FGF9: variants seen among roughly 807,000 people sequenced by gnomAD.
FGF9 encodes fibroblast growth factor 9 (glia-activating factor).
Under a neutral mutation model 19.9 loss-of-function variants are expected in FGF9, and 3 were observed. The observed-to-expected ratio is 0.15, with a 90% CI of 0.07 to 0.39. The LOEUF is 0.39. Among genes scored for constraint, FGF9 ranks in the 10% least tolerant of loss-of-function variants. FGF9 has a pLI of 1.00. For missense variants in FGF9, 175 were observed against 256.8 expected (o/e 0.68, Z 2.18); for synonymous variants, 107 against 106.9 (o/e 1.00, Z -0.01).
chr13:21,692,733 T>C (rs1033059444), intron 2 of FGF9, among the ~76,000 whole-genome samples: 3 of 152,232 alleles, frequency 2.0e-5, no homozygotes, highest in African/African-American at 7.2e-5. Flanking sequence ...AGAGACGCAC[T>C]GACACTGTGT....
rs892988179 is a variant in FGF9, at chr13:21,678,620, C to T, written c.278-2422C>T. 2.6e-5 allele frequency among the ~76,000 whole-genome samples: 4 copies of T among 152,150 alleles called. No individual in the cohort carries two copies. In the South Asian group the frequency reaches 8.3e-4, roughly 32 times the overall value. ...TTTGTGAAATCACATGCACCTTATT[C>T]TTTGTTGGACCTGATGGGCAACACT... On this transcript the variant is annotated intron_variant, in intron 1 of 2. Coordinates refer to ENST00000382353, the MANE Select transcript of FGF9 (RefSeq NM_002010.3).
At position 21,701,322 on chromosome 13, in the gene FGF9, C is replaced by T. The variant is rs776618974; in HGVS notation, c.514C>T (p.Pro172Ser). Residue 172 changes from proline (P) to serine (S), a missense_variant, in exon 3 of 3, where the codon CCG becomes TCG. Transcript: ENST00000382353. ...TGTTGCATTAAATAAAGATGGGACC[C>T]CGAGAGAAGGGACTAGGACTAAACG... ...YYVALNKDGT[P>S]REGTRTKRHQ... The T allele has an allele frequency of 4.3e-6, 7 of 1,613,780 alleles. No individual in the cohort carries two copies. The highest frequency in any genetic ancestry group is 5.9e-6 in the Non-Finnish European group (7 of 1,179,974).
chr13:21,686,374 C>T (rs912255218), intron 2 of FGF9, among the ~76,000 whole-genome samples: 1 of 152,174 alleles, frequency 6.6e-6, no homozygotes, highest in African/African-American at 2.4e-5. Flanking sequence ...ATAATAAATG[C>T]CTCCTTAAAA....
At chr13:21,677,845 G>A (rs1390938484) in intron 1 of FGF9, among the ~76,000 whole-genome samples, 2 of 152,180 alleles carry the variant, frequency 1.3e-5, no homozygotes, top group Admixed American at 6.5e-5. Flanking sequence ...GGGGTCTGTA[G>A]GTAGTTCCTT....
chr13:21,683,350 A>G (rs1872086403), intron 2 of FGF9, among the ~76,000 whole-genome samples: 1 of 152,180 alleles, frequency 6.6e-6, no homozygotes, highest in Admixed American at 6.5e-5. Flanking sequence ...CATGAGAGGG[A>G]CATTGAGTGT....
At chr13:21,697,609 C>T (rs1018076996) in intron 2 of FGF9, among the ~76,000 whole-genome samples, 5 of 151,918 alleles carry the variant, frequency 3.3e-5, no homozygotes, top group East Asian at 3.9e-4. Flanking sequence ...GGGGGGTTTT[C>T]GTATTCTTTA....
At position 21,701,308 on chromosome 13, in the gene FGF9, A is replaced by C. The variant is rs746751637; in HGVS notation, c.500A>C (p.Asn167Thr). The part of the protein sequence containing the change: ...DTGRRYYVAL[N>T]KDGTPREGTR... ...GGAAGGCGATACTATGTTGCATTAA[A>C]TAAAGATGGGACCCCGAGAGAAGGG... is the stretch of plus-strand genomic sequence containing the variant. Residue 167 changes from asparagine (N) to threonine (T), a missense_variant, in exon 3 of 3, where the codon AAT becomes ACT. Around this residue, in one of 3 missense-constraint regions of FGF9, gnomAD observed 101 missense variants for 160.7 expected, o/e 0.63. Transcript: ENST00000382353. 6.2e-7 allele frequency: 1 copy of C among 1,614,216 alleles called. No individual in the cohort carries two copies. Among genetic ancestry groups the C allele is most frequent in the Admixed American group, 1.7e-5 (1 of 60,026 alleles).
Position 21,671,741 on chromosome 13 carries a change from C to T in FGF9, c.-172C>T, listed in dbSNP as rs559440414. 1 of 719,536 alleles carries T rather than the reference C, an allele frequency of 1.4e-6. No homozygotes were observed. Among genetic ancestry groups the T allele is most frequent in the South Asian group, 1.8e-5 (1 of 55,870 alleles). 44.6% of individuals were successfully genotyped at this position (719,536 alleles called of 1,614,324 possible). The stretch of plus-strand genomic sequence containing the variant: ...TGACCTTGAACCTGTGCCAGTGAAA[C>T]AGCAGATTACTTTTATTTATGCATT... On this transcript the variant is annotated 5_prime_UTR_variant, in exon 1 of 3. Coordinates refer to ENST00000382353, the MANE Select transcript of FGF9 (RefSeq NM_002010.3).
chr13:21,693,648 C>G (rs1259844411), intron 2 of FGF9, among the ~76,000 whole-genome samples: 1 of 152,280 alleles, frequency 6.6e-6, no homozygotes. Flanking sequence ...GTCAAGCCGA[C>G]AGTTCATGAA....
At chr13:21,681,676 A>G (rs192944617) in intron 2 of FGF9, among the ~76,000 whole-genome samples, 1 of 152,340 alleles carries the variant, frequency 6.6e-6, no homozygotes, top group Non-Finnish European at 1.5e-5. Flanking sequence ...TTCCCACTCC[A>G]CATCCCCACT....
At chr13:21,674,521 G>A (rs912811693) in intron 1 of FGF9, among the ~76,000 whole-genome samples, 3 of 151,820 alleles carry the variant, frequency 2.0e-5, no homozygotes, top group Non-Finnish European at 4.4e-5. Context: ...GCGCGGGAGC[G>A]CGGCGGGGGC....
intron 1 of FGF9, among the ~76,000 whole-genome samples, chr13:21,675,021 TG>T (rs1270489104): frequency 4.2e-4 from 2 of 4,808 alleles, no homozygotes; most frequent in African/African-American, 1.5e-3. Context: ...ATGTGGGGGC[TG>T]GGGGGGATGT....
At chr13:21,683,118 G>T (rs935083868) in intron 2 of FGF9, among the ~76,000 whole-genome samples, 1 of 152,164 alleles carries the variant, frequency 6.6e-6, no homozygotes, top group Non-Finnish European at 1.5e-5. Flanking sequence ...ATTTTTCCCA[G>T]TTGAGAGCTG....
rs367885332 is a variant in FGF9, at chr13:21,672,318, G to GTCTC, written c.277+141_277+144dup. 3 of 989,320 alleles carry GTCTC rather than the reference G, an allele frequency of 3.0e-6. No individual in the cohort carries two copies. Among genetic ancestry groups the GTCTC allele is most frequent in the African/African-American group, 3.2e-5 (2 of 62,232 alleles). The allele number at this position is 989,320 out of a possible 1,614,324, so 61.3% of individuals were successfully genotyped here. A position where few individuals can be genotyped will look rare whatever the true frequency, so the allele number is the denominator to read the frequency against. ...TCCTCCCCTCTTTCTCTGTATCTCTGTCTCTCTCTCTCTCTGTCTTGCCAG... is the reference window on the plus strand; with the variant it reads ...TCCTCCCCTCTTTCTCTGTATCTCTGTCTCTCTCTCTCTCTCTCTGTCTTGCCAG... On this transcript the variant is annotated intron_variant, in intron 1 of 2. Coordinates refer to ENST00000382353, the MANE Select transcript of FGF9 (RefSeq NM_002010.3). This position sits in a 1 kb window ranked among gnomAD's most constrained non-coding sequence, Gnocchi z 4.2.
Position 21,672,939 on chromosome 13 carries a change from A to C in FGF9, c.277+750A>C, listed in dbSNP as rs1871803678. Among the ~76,000 whole-genome samples, 1 of 152,128 alleles carries C rather than the reference A, an allele frequency of 6.6e-6. No individual in the cohort carries two copies. The highest frequency in any genetic ancestry group is 2.4e-5 in the African/African-American group (1 of 41,424). On this transcript the variant is annotated intron_variant, in intron 1 of 2. Coordinates refer to ENST00000382353, the MANE Select transcript of FGF9 (RefSeq NM_002010.3). This position sits in a 1 kb window ranked among gnomAD's most constrained non-coding sequence, Gnocchi z 4.2. ...TGGTGTGAGTGTGTGCGCGCGTGCA[A>C]ACGCTGCGAGCGAATTTTAAAGGGC...
At chr13:21,692,363 T>C (rs1204767209) in intron 2 of FGF9, among the ~76,000 whole-genome samples, 2 of 152,216 alleles carry the variant, frequency 1.3e-5, no homozygotes, top group Middle Eastern at 6.3e-3. Context: ...GCTTGTATTC[T>C]TTTTCCTTTT....
chr13:21,698,707 C>T (rs1177149139), intron 2 of FGF9, among the ~76,000 whole-genome samples: 4 of 152,166 alleles, frequency 2.6e-5, no homozygotes, highest in Non-Finnish European at 4.4e-5. Context: ...TAAGCTAGCA[C>T]CTCACTCATG....
rs1872549246 is a variant in FGF9, at chr13:21,701,713, G to A, written c.*278G>A. On this transcript the variant is annotated 3_prime_UTR_variant, in exon 3 of 3. Transcript: ENST00000382353. ...CTGAGCGCTAGGAGTGTGTGTATGT[G>A]TGTGTGTGTGTGTGTGTGTGTGTGT... 4 of 353,924 alleles carry A rather than the reference G, an allele frequency of 1.1e-5. No homozygotes were observed. The highest frequency in any genetic ancestry group is 1.6e-5 in the Non-Finnish European group (3 of 184,896). 21.9% of individuals were successfully genotyped at this position (353,924 alleles called of 1,614,324 possible). A position where few individuals can be genotyped will look rare whatever the true frequency, so the allele number is the denominator to read the frequency against.
chr13:21,675,835 C>T (rs1871902617), intron 1 of FGF9, among the ~76,000 whole-genome samples: 1 of 151,882 alleles, frequency 6.6e-6, no homozygotes, highest in Non-Finnish European at 1.5e-5. Flanking sequence ...GACACAGCAG[C>T]AGCAGTGCAG....
Sources: allele counts gnomAD v4.1 joint callset (sites outside exome capture counted in the v4.1 genomes callset), GRCh38; gene constraint gnomAD v4.1.1; regional missense constraint gnomAD v4.1.1; non-coding constraint Gnocchi (gnomAD v3.1); transcripts MANE v1.5; gene names NCBI Gene and HGNC (gene_info 2026-07-23, HGNC 2026-07-21).